Variants in ARID1A observed in about 807,000 individuals in gnomAD.
ARID1A encodes the protein AT-rich interactive domain-containing protein 1A.
In ARID1A, 20 loss-of-function variants were observed where a neutral mutation model predicts 212.6. That is an observed-to-expected ratio of 0.09 (90% CI 0.07 to 0.14). The LOEUF is 0.14. ARID1A is among the 10% of genes least tolerant of loss of function. The probability of loss-of-function intolerance (pLI) is 1.00; values close to 1 mark genes in which losing one functional copy is unlikely to be tolerated. For missense variants in ARID1A, 2,587 were observed against 3,059.0 expected (o/e 0.85, Z 3.64); for synonymous variants, 1,376 against 1,222.1 (o/e 1.13, Z -2.63).
chr1:26,758,967 C>G (rs1198025807), intron 4 of ARID1A, among the ~76,000 whole-genome samples: 1 of 152,160 alleles, frequency 6.6e-6, no homozygotes, highest in Non-Finnish European at 1.5e-5. Context: ...ATGCTCCCAG[C>G]CTAATGAGGT....
In ARID1A at chr1:26,781,681, C is replaced by CTT. The variant is rs2081197136; in HGVS notation, c.*927_*928dup. On this transcript the variant is annotated 3_prime_UTR_variant, in exon 20 of 20. Coordinates refer to ENST00000324856, the MANE Select transcript of ARID1A (RefSeq NM_006015.6). The stretch of plus-strand genomic sequence containing the variant: ...AGTTTGGTCCTCCTCCCAGCTACCC[C>CTT]TTTATAGTATGACGAGTTAACAAGT... The CTT allele has an allele frequency of 4.3e-6, 1 of 233,648 alleles. No homozygotes were observed. Among genetic ancestry groups the CTT allele is most frequent in the South Asian group, 1.8e-4 (1 of 5,530 alleles). The allele number at this position is 233,648 out of a possible 1,614,324, so 14.5% of individuals were successfully genotyped here.
chr1:26,718,176 T>C (rs1237033551), intron 1 of ARID1A, among the ~76,000 whole-genome samples: 1 of 152,114 alleles, frequency 6.6e-6, no homozygotes, highest in Non-Finnish European at 1.5e-5. Flanking sequence ...GGTTTCTCCA[T>C]GTTGGCCAGG....
At position 26,696,460 on chromosome 1, in the gene ARID1A, G is replaced by T. The variant is rs1193944607; in HGVS notation, c.57G>T (p.Pro19=). The stretch of plus-strand genomic sequence containing the variant: ...GCAGCCTGGGCAACCCGCCGCCGCC[G>T]CCGCCCTCGGAGCTGAAGAAAGCCG... ...AASSLGNPPP[P]PPSELKKAEQ... is the part of the protein sequence containing the mutation. The change falls in exon 1 of 20, where the codon CCG becomes CCT. Residue 19 remains proline (P), a synonymous_variant. Transcript: ENST00000324856. 1 of 1,288,282 alleles carries T rather than the reference G, an allele frequency of 7.8e-7. No homozygotes were observed. Among genetic ancestry groups the T allele is most frequent in the Non-Finnish European group, 9.8e-7 (1 of 1,019,624 alleles). The allele number at this position is 1,288,282 out of a possible 1,614,324, so 79.8% of individuals were successfully genotyped here. A position where few individuals can be genotyped will look rare whatever the true frequency, so the allele number is the denominator to read the frequency against.
At position 26,779,512 on chromosome 1, in the gene ARID1A, G is replaced by A. The variant is rs775428237; in HGVS notation, c.5614G>A (p.Ala1872Thr). Residue 1872 changes from alanine (A) to threonine (T), a missense_variant, in exon 20 of 20, where the codon GCA (alanine) becomes ACA (threonine). Physicochemically the swap from Ala to Thr is moderately conservative, Grantham distance 58. Coordinates refer to ENST00000324856, the MANE Select transcript of ARID1A (RefSeq NM_006015.6). The stretch of plus-strand genomic sequence containing the variant: ...AGAGCTGCTGCCTTCCCGGCCTCAC[G>A]CACCCTGCCCACCAGCCCCTCGGAA... ...KTELLPSRPHAPCPPAPRKHV... is the reference protein window; with the variant it reads ...KTELLPSRPHTPCPPAPRKHV... The A allele has an allele frequency of 2.1e-5, 34 of 1,613,890 alleles. No individual in the cohort carries two copies. The highest frequency in any genetic ancestry group is 6.6e-5 in the South Asian group (6 of 91,072).
intron 1 of ARID1A, among the ~76,000 whole-genome samples, chr1:26,719,223 A>G (rs2080536347): frequency 6.6e-6 from 1 of 152,234 alleles, no homozygotes; most frequent in South Asian, 2.1e-4. Context: ...ATTCTAGTCA[A>G]GGATACAGAT....
At position 26,780,766 on chromosome 1, in the gene ARID1A, G is replaced by T. The variant is rs372029026; in HGVS notation, c.*10G>T. 41 of 1,549,220 alleles carry T rather than the reference G, an allele frequency of 2.6e-5. No homozygotes were observed. The African/African-American group carries it at 5.3e-4, about 20-fold the overall frequency. On this transcript the variant is annotated 3_prime_UTR_variant, in exon 20 of 20. Transcript: ENST00000324856. This position sits in a 1 kb window ranked among gnomAD's most constrained non-coding sequence, Gnocchi z 7.2. ...GATTGGCCAGTCATGACAGCCGTGGGACACCTCCCCCCCCCGTGTGTGTGT... is the reference window on the plus strand; with the variant it reads ...GATTGGCCAGTCATGACAGCCGTGGTACACCTCCCCCCCCCGTGTGTGTGT...
At chr1:26,730,979 G>A (rs534682621) in intron 2 of ARID1A, among the ~76,000 whole-genome samples, 173 bp from the exon 3 acceptor site, 12 of 152,226 alleles carry the variant, frequency 7.9e-5, no homozygotes, top group South Asian at 2.1e-4. Flanking sequence ...CAGCTTGGCC[G>A]TCCTTCCTGG....
At chr1:26,772,436 G>C in intron 12 of ARID1A, 64 bp from the exon 13 acceptor site, 1 of 1,609,034 alleles carries the variant, frequency 6.2e-7, no homozygotes, top group East Asian at 2.2e-5. Context: ...TCGTTCGTGT[G>C]TTTGTGTGAG....
At chr1:26,760,699 T>TAAA (rs1359487417) in intron 4 of ARID1A, among the ~76,000 whole-genome samples, 157 bp from the exon 5 acceptor site, 5 of 147,568 alleles carry the variant, frequency 3.4e-5, no homozygotes, top group Non-Finnish European at 7.6e-5. Context: ...AAAAAAAAAT[T>TAAA]TTTTTTTTTA....
chr1:26,730,669 A>C (rs2080666576), intron 2 of ARID1A, among the ~76,000 whole-genome samples: 2 of 152,146 alleles, frequency 1.3e-5, no homozygotes, highest in South Asian at 2.1e-4. Flanking sequence ...GTAGGCTGTC[A>C]AATATTTTTT....
rs140129587 is a variant in ARID1A at position 26,730,218 on chromosome 1, G to T, written c.1350+355G>T. On this transcript the variant is annotated intron_variant, in intron 2 of 19. Coordinates refer to ENST00000324856, the MANE Select transcript of ARID1A (RefSeq NM_006015.6). ...AAAACCATTCATATCATGTGCCCTG[G>T]TGACGGAAGAGGCCCTTTATGCTTC... Among the ~76,000 whole-genome samples, 162 of 152,318 alleles carry T rather than the reference G, an allele frequency of 1.1e-3. 1 individual carries two copies. The highest frequency in any genetic ancestry group is 3.8e-3 in the African/African-American group (156 of 41,554).
intron 4 of ARID1A, among the ~76,000 whole-genome samples, chr1:26,736,322 CAA>C (rs1159133678): frequency 1.9e-4 from 10 of 52,436 alleles, no homozygotes; most frequent in African/African-American, 2.8e-4. Flanking sequence ...AACTCCATCT[CAA>C]AAAAAAAAAA....
rs546340693 is a variant in ARID1A, at chr1:26,697,670, C to T, written c.1137+130C>T. 97 of 926,640 alleles carry T rather than the reference C, an allele frequency of 1.0e-4. No individual in the cohort carries two copies. The African/African-American group carries it at 1.2e-3, about 12-fold the overall frequency. 57.4% of individuals were successfully genotyped at this position (926,640 alleles called of 1,614,324 possible). On this transcript the variant is annotated intron_variant, in intron 1 of 19. Coordinates refer to ENST00000324856, the MANE Select transcript of ARID1A (RefSeq NM_006015.6). ...CCCACTGCTGGGGAGCTGCCATTGT[C>T]TGGCTCTTCTCTCTTAAAATGGCTG...
chr1:26,714,711 C>T (rs1265852724), intron 1 of ARID1A, among the ~76,000 whole-genome samples: 1 of 152,014 alleles, frequency 6.6e-6, no homozygotes, highest in East Asian at 1.9e-4. Context: ...CACCGCGCCG[C>T]ATATATAATC....
chr1:26,722,050 G>T (rs758215327), intron 1 of ARID1A, among the ~76,000 whole-genome samples: 4 of 152,114 alleles, frequency 2.6e-5, no homozygotes, highest in Non-Finnish European at 5.9e-5. Flanking sequence ...CCTTTGTCTT[G>T]TTTTACATCA....
intron 4 of ARID1A, among the ~76,000 whole-genome samples, chr1:26,751,071 A>T (rs1012031465): frequency 3.9e-5 from 6 of 151,936 alleles, no homozygotes; most frequent in African/African-American, 1.5e-4. Flanking sequence ...CCTGATCAAC[A>T]TGGTGAAACC....
rs587778052 is a variant in ARID1A at position 26,779,689 on chromosome 1, G to A, written c.5791G>A (p.Glu1931Lys). ...GACCGAGGATGGAGCTAAGAGTTCA[G>A]AGGCCATCAAGGAGAGCAGCAAGTT... ...TLTEDGAKSS[E>K]AIKESSKFPF... The change falls in exon 20 of 20, where the codon GAG becomes AAG. Residue 1931 changes from glutamate (E) to lysine (K), a missense_variant. Coordinates refer to ENST00000324856, the MANE Select transcript of ARID1A (RefSeq NM_006015.6). 6.2e-7 allele frequency: 1 copy of A among 1,614,112 alleles called. No individual in the cohort carries two copies. The highest frequency in any genetic ancestry group is 8.5e-7 in the Non-Finnish European group (1 of 1,180,042).
chr1:26,738,882 T>G (rs1331918606), intron 4 of ARID1A, among the ~76,000 whole-genome samples: 29 of 145,994 alleles, frequency 2.0e-4, no homozygotes, highest in African/African-American at 5.4e-4. Context: ...TTTTGTTTTT[T>G]TTTTTTTTTT....
At chr1:26,753,378 G>C (rs1264067879) in intron 4 of ARID1A, 1 of 152,202 alleles carries the variant, frequency 6.6e-6, no homozygotes, top group Non-Finnish European at 1.5e-5. Context: ...ATCACAGCTG[G>C]GACGGTTATC....
Sources: allele counts gnomAD v4.1 joint callset (sites outside exome capture counted in the v4.1 genomes callset), GRCh38; gene constraint gnomAD v4.1.1; non-coding constraint Gnocchi (gnomAD v3.1); transcripts MANE v1.5; gene names NCBI Gene and HGNC (gene_info 2026-07-23, HGNC 2026-07-21).